The following IGSF21 variants were observed in gnomAD, a reference collection of about 807,000 sequenced individuals.
The protein encoded by IGSF21 is immunoglobin superfamily member 21.
In IGSF21, 28 loss-of-function variants were observed where a neutral mutation model predicts 46.8. The observed-to-expected ratio is 0.60, with a 90% CI of 0.44 to 0.82. IGSF21 has a LOEUF of 0.82. Among genes scored for constraint, IGSF21 ranks in the 40% least tolerant of loss-of-function variants. IGSF21 has a pLI of 0.00. For missense variants in IGSF21, 624 were observed against 665.5 expected (o/e 0.94, Z 0.69); for synonymous variants, 284 against 273.6 (o/e 1.04, Z -0.38).
chr1:18,312,043 G>A (rs1480388151), intron 3 of IGSF21, among the ~76,000 whole-genome samples: 1 of 152,130 alleles, frequency 6.6e-6, no homozygotes, highest in Non-Finnish European at 1.5e-5. Context: ...CCATCACCAG[G>A]TTCACCTTCC....
intron 2 of IGSF21, among the ~76,000 whole-genome samples, chr1:18,252,045 G>GTTTT (rs59704256): frequency 0.026 from 1,892 of 71,936 alleles, 116 homozygotes; most frequent in East Asian, 0.037. Context: ...TGACCAAGGC[G>GTTTT]TTTTTTTTTT....
At chr1:18,312,415 T>C (rs2085498280) in intron 3 of IGSF21, among the ~76,000 whole-genome samples, 1 of 152,192 alleles carries the variant, frequency 6.6e-6, no homozygotes, top group Non-Finnish European at 1.5e-5. Context: ...GCCACCAACT[T>C]AGTGGCTTAA....
At chr1:18,117,056 TAA>T (rs1169080832) in intron 1 of IGSF21, among the ~76,000 whole-genome samples, 2 of 152,188 alleles carry the variant, frequency 1.3e-5, no homozygotes, top group Non-Finnish European at 2.9e-5. Context: ...GGGAATGGTT[TAA>T]AAGAGTGGAG....
intron 1 of IGSF21, among the ~76,000 whole-genome samples, chr1:18,117,137 C>G (rs2086195744): frequency 6.6e-6 from 1 of 152,222 alleles, no homozygotes; most frequent in South Asian, 2.1e-4. Flanking sequence ...GCTGGAAGCT[C>G]TTTTGAACCT....
chr1:18,140,181 C>T (rs1235498178), intron 1 of IGSF21, among the ~76,000 whole-genome samples: 1 of 152,160 alleles, frequency 6.6e-6, no homozygotes, highest in African/African-American at 2.4e-5. Context: ...CTTGTAGACT[C>T]AAGCGATTCT....
intron 4 of IGSF21, among the ~76,000 whole-genome samples, chr1:18,359,513 A>AAGGAAAAGAG: frequency 7.0e-6 from 1 of 141,900 alleles, no homozygotes; most frequent in African/African-American, 2.6e-5. Context: ...GGAAGGAAGG[A>AAGGAAAAGAG]AAAGCAATCC....
At chr1:18,370,680 A>G (rs2086215743) in intron 6 of IGSF21, among the ~76,000 whole-genome samples, 1 of 152,222 alleles carries the variant, frequency 6.6e-6, no homozygotes, top group Non-Finnish European at 1.5e-5. Context: ...AAACTATAGA[A>G]TGAGAGAAAA....
At position 18,134,133 on chromosome 1, in the gene IGSF21, T is replaced by C. The variant is rs543061038; in HGVS notation, c.70+25935T>C. ...AGAGTGGCTTACCAGTTACTCTTAG[T>C]AGAACCATGAGTGAGTGAGTGAGTG... On this transcript the variant is annotated intron_variant, in intron 1 of 9. Coordinates refer to ENST00000251296, the MANE Select transcript of IGSF21 (RefSeq NM_032880.5). 2.0e-5 allele frequency among the ~76,000 whole-genome samples: 3 copies of C among 152,194 alleles called. No individual in the cohort carries two copies. In the South Asian group the frequency reaches 6.2e-4, roughly 32 times the overall value.
chr1:18,160,688 C>CCA (rs2086611351), intron 1 of IGSF21, among the ~76,000 whole-genome samples: 1 of 152,170 alleles, frequency 6.6e-6, no homozygotes, highest in Non-Finnish European at 1.5e-5. Context: ...TCATTATAAC[C>CCA]CACTGATGGG....
chr1:18,310,766 T>G (rs708083), intron 3 of IGSF21, among the ~76,000 whole-genome samples: 139,820 of 152,196 alleles, frequency 0.92, 64,288 homozygotes, highest in East Asian at 0.99. Flanking sequence ...GGTGTTGGCA[T>G]GGCCACACTT....
chr1:18,166,441 A>C (rs1439608669), intron 1 of IGSF21, among the ~76,000 whole-genome samples: 1 of 151,852 alleles, frequency 6.6e-6, no homozygotes, highest in Admixed American at 6.6e-5. Context: ...GCACAGCCGC[A>C]GGGTGACCTT....
intron 4 of IGSF21, 61 bp from the exon 5 acceptor site, chr1:18,362,054 G>A (rs2086106521): frequency 1.6e-6 from 2 of 1,254,676 alleles, no homozygotes; most frequent in East Asian, 5.0e-5. Context: ...TAGGTCATCA[G>A]TGAACTCTTC....
chr1:18,186,611 A>G (rs756752685), intron 1 of IGSF21, among the ~76,000 whole-genome samples: 1 of 152,216 alleles, frequency 6.6e-6, no homozygotes, highest in Non-Finnish European at 1.5e-5. Context: ...CTCTCCAAGT[A>G]GCAGCTTGCA....
intron 1 of IGSF21, among the ~76,000 whole-genome samples, chr1:18,135,586 T>A (rs1292509033): frequency 6.6e-6 from 1 of 152,198 alleles, no homozygotes; most frequent in African/African-American, 2.4e-5. Context: ...ACAAAGGATG[T>A]GAACTCATCA....
intron 1 of IGSF21, among the ~76,000 whole-genome samples, chr1:18,125,667 G>A (rs1199475772): frequency 2.0e-5 from 3 of 152,224 alleles, no homozygotes; most frequent in East Asian, 3.8e-4. Flanking sequence ...GGGCACTGGC[G>A]ATACAGTGGT....
intron 4 of IGSF21, among the ~76,000 whole-genome samples, chr1:18,339,450 G>T (rs1454363594): frequency 1.3e-5 from 2 of 152,186 alleles, no homozygotes; most frequent in Non-Finnish European, 2.9e-5. Flanking sequence ...AACTCCGATG[G>T]TCCTGGCATG....
chr1:18,274,206 G>C (rs893906191), intron 2 of IGSF21, among the ~76,000 whole-genome samples: 3 of 152,200 alleles, frequency 2.0e-5, no homozygotes, highest in Non-Finnish European at 4.4e-5. Context: ...GGTACTATCA[G>C]GTATCTATGG....
intron 2 of IGSF21, among the ~76,000 whole-genome samples, chr1:18,284,241 C>T (rs2085190917): frequency 6.6e-6 from 1 of 152,200 alleles, no homozygotes; most frequent in Non-Finnish European, 1.5e-5. Context: ...TCTAGGCATA[C>T]TTTCTGAGTG....
At chr1:18,257,175 T>A (rs2084900780) in intron 2 of IGSF21, among the ~76,000 whole-genome samples, 1 of 152,190 alleles carries the variant, frequency 6.6e-6, no homozygotes, top group Non-Finnish European at 1.5e-5. Flanking sequence ...GTGAGGGAAA[T>A]TATTTTTTAA....
Sources: allele counts gnomAD v4.1 joint callset (sites outside exome capture counted in the v4.1 genomes callset), GRCh38; gene constraint gnomAD v4.1.1; transcripts MANE v1.5; gene names NCBI Gene and HGNC (gene_info 2026-07-23, HGNC 2026-07-21).